The following CRPPA variants were observed in gnomAD, a reference collection of about 807,000 sequenced individuals.
The protein encoded by CRPPA is D-ribitol-5-phosphate cytidylyltransferase.
Under a neutral mutation model 52.0 loss-of-function variants are expected in CRPPA, and 43 were observed. That is an observed-to-expected ratio of 0.83 (90% CI 0.65 to 1.07). CRPPA has a LOEUF of 1.07. CRPPA is among the 50% of genes least tolerant of loss of function. The pLI, the probability that CRPPA is intolerant of heterozygous loss-of-function variation, is 0.00. For missense variants in CRPPA, 629 were observed against 551.7 expected, an observed-to-expected ratio of 1.14 and a Z score of -1.40; for synonymous variants, 250 against 203.5, an observed-to-expected ratio of 1.23 and a Z score of -1.94.
intron 3 of CRPPA, among the ~76,000 whole-genome samples, chr7:16,323,826 CA>C (rs542097403): frequency 5.1e-4 from 77 of 151,658 alleles, no homozygotes; most frequent in African/African-American, 1.8e-3. Context: ...AAACATTGTG[CA>C]AAAAAAAGCA....
chr7:16,298,518 C>T (rs1191280344), intron 5 of CRPPA, among the ~76,000 whole-genome samples: 5 of 152,140 alleles, frequency 3.3e-5, no homozygotes, highest in East Asian at 3.9e-4. Flanking sequence ...AGATAAAATA[C>T]ATAAAATGCT....
At chr7:16,326,535 G>C (rs892999420) in intron 3 of CRPPA, among the ~76,000 whole-genome samples, 1 of 152,170 alleles carries the variant, frequency 6.6e-6, no homozygotes, top group African/African-American at 2.4e-5. Context: ...ATCTTAATTT[G>C]TAGGCACTGG....
chr7:16,420,486 C>T (rs1419612774), intron 1 of CRPPA, among the ~76,000 whole-genome samples: 4 of 152,276 alleles, frequency 2.6e-5, no homozygotes, highest in Admixed American at 6.5e-5. Context: ...ACTTCAGTGC[C>T]CTTTCTAAGA....
chr7:16,379,610 T>G (rs1787017094), intron 2 of CRPPA, among the ~76,000 whole-genome samples: 1 of 152,236 alleles, frequency 6.6e-6, no homozygotes, highest in South Asian at 2.1e-4. Flanking sequence ...TATTGATTCC[T>G]CCTACCCATG....
chr7:16,301,650 A>T (rs1006026206), intron 4 of CRPPA, among the ~76,000 whole-genome samples, 184 bp from the exon 5 acceptor site: 6 of 152,220 alleles, frequency 3.9e-5, no homozygotes, highest in Non-Finnish European at 8.8e-5. Context: ...CAAATGGCTG[A>T]TTTGTTTTTA....
intron 9 of CRPPA, among the ~76,000 whole-genome samples, chr7:16,195,507 G>C (rs187487663): frequency 6.6e-6 from 1 of 152,150 alleles, no homozygotes; most frequent in East Asian, 1.9e-4. Context: ...GAAGAGCTGG[G>C]AAGGGCCTCA....
chr7:16,196,967 G>T (rs1472181715), intron 9 of CRPPA, among the ~76,000 whole-genome samples: 2 of 151,746 alleles, frequency 1.3e-5, no homozygotes, highest in African/African-American at 4.8e-5. Context: ...TCATGTTTTA[G>T]TGAAACACAA....
At chr7:16,286,034 AAAAAATATAAATATATATATATAT>A (rs1562608268) in intron 5 of CRPPA, among the ~76,000 whole-genome samples, 7 of 21,356 alleles carry the variant, frequency 3.3e-4, no homozygotes, top group African/African-American at 2.2e-3. Context: ...AAAAAAAAAA[AAAAAATATAAATATATATATATAT>A]ATATATATAT....
chr7:16,111,972 A>C (rs1782273676), intron 9 of CRPPA, among the ~76,000 whole-genome samples: 1 of 152,204 alleles, frequency 6.6e-6, no homozygotes, highest in Non-Finnish European at 1.5e-5. Context: ...GATTGATTTA[A>C]TTATTTCATA....
intron 3 of CRPPA, among the ~76,000 whole-genome samples, chr7:16,352,015 A>G (rs1487040594): frequency 6.6e-6 from 1 of 152,170 alleles, no homozygotes; most frequent in East Asian, 1.9e-4. Context: ...AACCAACCCA[A>G]ATGCCCATCA....
At chr7:16,201,454 A>G (rs77640439) in intron 9 of CRPPA, among the ~76,000 whole-genome samples, 11,871 of 152,190 alleles carry the variant, frequency 0.078, 535 homozygotes, top group East Asian at 0.14. Context: ...ACCATAAACG[A>G]AATGGCACAC....
At chr7:16,412,097 A>G (rs1222253737) in intron 1 of CRPPA, among the ~76,000 whole-genome samples, 1 of 152,214 alleles carries the variant, frequency 6.6e-6, no homozygotes, top group Admixed American at 6.5e-5. Context: ...ATTCCATCAG[A>G]CAGAAAACAG....
At chr7:16,280,398 A>G (rs776592540) in intron 5 of CRPPA, among the ~76,000 whole-genome samples, 1 of 152,218 alleles carries the variant, frequency 6.6e-6, no homozygotes, top group African/African-American at 2.4e-5. Flanking sequence ...GGGCTTTGTA[A>G]TATCTTAGGC....
At chr7:16,331,551 G>A (rs1785553297) in intron 3 of CRPPA, among the ~76,000 whole-genome samples, 1 of 152,182 alleles carries the variant, frequency 6.6e-6, no homozygotes, top group Admixed American at 6.5e-5. Flanking sequence ...GGAATTACCA[G>A]ATATTAATAG....
chr7:16,136,302 C>T (rs527695390), intron 9 of CRPPA, among the ~76,000 whole-genome samples: 1 of 151,726 alleles, frequency 6.6e-6, no homozygotes, highest in Non-Finnish European at 1.5e-5. Flanking sequence ...TTCTTGCATG[C>T]TTTTTATCAA....
At chr7:16,218,046 G>A (rs979091892) in intron 8 of CRPPA, among the ~76,000 whole-genome samples, 6 of 151,844 alleles carry the variant, frequency 4.0e-5, no homozygotes, top group Non-Finnish European at 8.8e-5. Flanking sequence ...AGAGAGAAAG[G>A]TCGGGTTACC....
At chr7:16,144,745 G>A (rs1382336749) in intron 9 of CRPPA, among the ~76,000 whole-genome samples, 1 of 152,062 alleles carries the variant, frequency 6.6e-6, no homozygotes. Context: ...ATGCGAGCGG[G>A]GCTGGCTGAT....
chr7:16,375,694 C>T (rs1255372186), intron 3 of CRPPA, among the ~76,000 whole-genome samples: 1 of 152,104 alleles, frequency 6.6e-6, no homozygotes, highest in African/African-American at 2.4e-5. Context: ...CACCAACTTT[C>T]CTTCTGGAAA....
chr7:16,358,247 G>A (rs10234224), intron 3 of CRPPA, among the ~76,000 whole-genome samples: 3,215 of 152,106 alleles, frequency 0.021, 107 homozygotes, highest in African/African-American at 0.072. Flanking sequence ...GCCAGAATCA[G>A]GAACAGAAGC....
Sources: allele counts gnomAD v4.1 joint callset (sites outside exome capture counted in the v4.1 genomes callset), GRCh38; gene constraint gnomAD v4.1.1; transcripts MANE v1.5; gene names NCBI Gene and HGNC (gene_info 2026-07-23, HGNC 2026-07-21).